SH2B3: variants seen among roughly 807,000 people sequenced by gnomAD.
The protein encoded by SH2B3 is SH2B adaptor protein 3, also known as SH2B adapter protein 3.
A neutral mutation model predicts 51.9 loss-of-function variants in SH2B3; 43 were observed. The ratio of observed to expected loss-of-function variants is 0.83; its 90% confidence interval spans 0.65 to 1.07. The LOEUF (loss-of-function observed/expected upper bound fraction) is 1.07, where lower values mean the gene tolerates loss of function less well. SH2B3 is among the 50% of genes least tolerant of loss of function. The pLI is 0.00. For synonymous variants in SH2B3, 396 were observed against 376.0 expected (o/e 1.05, Z -0.62); for missense variants, 952 against 834.3 (o/e 1.14, Z -1.74).
At position 111,429,470 on chromosome 12, in the gene SH2B3, T is replaced by C. The variant is rs1872286303; in HGVS notation, c.732+10593T>C. Among the ~76,000 whole-genome samples, 1 of 152,102 alleles carries C rather than the reference T, an allele frequency of 6.6e-6. No individual in the cohort carries two copies. The highest frequency in any genetic ancestry group is 2.1e-4 in the South Asian group (1 of 4,812). ...CCTCAGCCTCCCGAGTAGCTGGGAT[T>C]ACAGGCGCCCACCACCACACTCCGC... On this transcript the variant is annotated intron_variant, in intron 2 of 7. Transcript: ENST00000341259. The surrounding 1 kb of genome is among the most constrained non-coding windows in gnomAD (Gnocchi z 4.4).
chr12:111,440,792 C>T (rs189948254), intron 2 of SH2B3, among the ~76,000 whole-genome samples: 1 of 152,346 alleles, frequency 6.6e-6, no homozygotes, highest in East Asian at 1.9e-4. Flanking sequence ...GCCTCTGGTG[C>T]ATGGGAGCAG....
chr12:111,414,437 C>T (rs1870928362), intron 1 of SH2B3, among the ~76,000 whole-genome samples: 1 of 151,880 alleles, frequency 6.6e-6, no homozygotes, highest in Admixed American at 6.6e-5. Context: ...ACAAAAAATA[C>T]AAAAATTAAC....
chr12:111,425,410 G>A (rs1363656119), intron 2 of SH2B3, among the ~76,000 whole-genome samples: 10 of 152,132 alleles, frequency 6.6e-5, no homozygotes, highest in Non-Finnish European at 2.9e-5. Flanking sequence ...GTCAGCAAAG[G>A]CCTCTTGGCA....
rs553292196 is a variant in SH2B3, at chr12:111,419,020, G to T, written c.732+143G>T. 39 of 767,978 alleles carry T rather than the reference G, an allele frequency of 5.1e-5. No individual in the cohort carries two copies. In the African/African-American group the frequency reaches 5.5e-4, roughly 11 times the overall value. 47.6% of individuals were successfully genotyped at this position (767,978 alleles called of 1,614,324 possible). ...GAGGGAACTAGGCCCTCTTAAAAAA[G>T]AACTTTTAGGCCGAGTGCAATGGCT... On this transcript the variant is annotated intron_variant, in intron 2 of 7. Transcript: ENST00000341259.
chr12:111,426,652 G>T (rs113233437), intron 2 of SH2B3, among the ~76,000 whole-genome samples: 1 of 152,162 alleles, frequency 6.6e-6, no homozygotes. Context: ...GTTCAAGTAC[G>T]TAGCATGCCA....
At chr12:111,419,338 A>G (rs777175839) in intron 2 of SH2B3, among the ~76,000 whole-genome samples, 1 of 151,194 alleles carries the variant, frequency 6.6e-6, no homozygotes, top group Non-Finnish European at 1.5e-5. Context: ...TTTTTATTTT[A>G]GAATTTTAGA....
rs866856216 is a variant in SH2B3 at position 111,409,585 on chromosome 12, G to A, written c.-28+3308G>A. On this transcript the variant is annotated intron_variant, in intron 1 of 7. Transcript: ENST00000341259. The surrounding 1 kb of genome is among the most constrained non-coding windows in gnomAD (Gnocchi z 4.0). The stretch of plus-strand genomic sequence containing the variant: ...CCACCCTTCCCAAGGAAACTGAGGC[G>A]GGCAGGCTGCCCAGGGGAAGTGACT... Among the ~76,000 whole-genome samples, 1 of 152,162 alleles carries A rather than the reference G, an allele frequency of 6.6e-6. No homozygotes were observed. The highest frequency in any genetic ancestry group is 1.5e-5 in the Non-Finnish European group (1 of 68,008).
chr12:111,440,570 C>T (rs913088734), intron 2 of SH2B3, among the ~76,000 whole-genome samples: 2 of 152,224 alleles, frequency 1.3e-5, no homozygotes, highest in Non-Finnish European at 1.5e-5. Flanking sequence ...GGTCTGTGAG[C>T]GTCATTTCCA....
At chr12:111,443,724 A>C (rs1182890950) in intron 2 of SH2B3, 2 of 152,230 alleles carry the variant, frequency 1.3e-5, no homozygotes, top group Admixed American at 6.5e-5. Flanking sequence ...GTGGGAGCCA[A>C]GCAGGCTTTA....
intron 2 of SH2B3, among the ~76,000 whole-genome samples, chr12:111,430,797 G>C (rs749511565): frequency 1.3e-5 from 2 of 152,138 alleles, no homozygotes; most frequent in Non-Finnish European, 2.9e-5. Flanking sequence ...GGAGTAGCTG[G>C]CATGATGTGT....
In SH2B3 at chr12:111,409,989, C is replaced by T. The variant is rs1006932211; in HGVS notation, c.-28+3712C>T. 6.6e-6 allele frequency among the ~76,000 whole-genome samples: 1 copy of T among 152,196 alleles called. No homozygotes were observed. Among genetic ancestry groups the T allele is most frequent in the African/African-American group, 2.4e-5 (1 of 41,432 alleles). On this transcript the variant is annotated intron_variant, in intron 1 of 7. Coordinates refer to ENST00000341259, the MANE Select transcript of SH2B3 (RefSeq NM_005475.3). The surrounding 1 kb of genome is among the most constrained non-coding windows in gnomAD (Gnocchi z 4.0). Reference sequence around the variant, plus strand: ...CCTGTCAGGGGTCGGCCAGCAGGGCCGGGCCACAGGCTTCCTTGTGAGCCA... The same window carrying T: ...CCTGTCAGGGGTCGGCCAGCAGGGCTGGGCCACAGGCTTCCTTGTGAGCCA...
In SH2B3 at chr12:111,410,812, C is replaced by T. The variant is rs922118142; in HGVS notation, c.-28+4535C>T. On this transcript the variant is annotated intron_variant, in intron 1 of 7. Transcript: ENST00000341259. This position sits in a 1 kb window ranked among gnomAD's most constrained non-coding sequence, Gnocchi z 4.9. ...TGAATGCTGTGAAAGGGCAGCAGGC[C>T]GCCTGCCAGGCAGTGTGTGTCAGAA... 6.6e-6 allele frequency among the ~76,000 whole-genome samples: 1 copy of T among 152,188 alleles called. No homozygotes were observed. Among genetic ancestry groups the T allele is most frequent in the Non-Finnish European group, 1.5e-5 (1 of 68,034 alleles).
In SH2B3 at chr12:111,447,769, C is replaced by T. The variant is rs772961717; in HGVS notation, c.1350C>T (p.Cys450=). ...HFQRSPIPLE[C]GAACDVRLSS... is the part of the protein sequence containing the mutation. ...AGCGCTCGCCCATCCCACTCGAGTG[C>T]GGCGCCGCCTGTGATGTCCGGCTCT... Residue 450 remains cysteine (C), a synonymous_variant, in exon 7 of 8, where the codon TGC becomes TGT. Coordinates refer to ENST00000341259, the MANE Select transcript of SH2B3 (RefSeq NM_005475.3). 11 of 1,614,000 alleles carry T rather than the reference C, an allele frequency of 6.8e-6. No individual in the cohort carries two copies. The highest frequency in any genetic ancestry group is 2.2e-5 in the East Asian group (1 of 44,888).
At chr12:111,442,774 C>T (rs564450842) in intron 2 of SH2B3, among the ~76,000 whole-genome samples, 21 of 152,376 alleles carry the variant, frequency 1.4e-4, no homozygotes, top group African/African-American at 5.0e-4. Flanking sequence ...TCACCTGTGC[C>T]TCTTCCTGCT....
intron 2 of SH2B3, among the ~76,000 whole-genome samples, chr12:111,420,844 GA>G (rs967299463): frequency 6.6e-6 from 1 of 152,222 alleles, no homozygotes; most frequent in African/African-American, 2.4e-5. Context: ...GAGGATAACT[GA>G]GGGGTCCCGG....
At position 111,409,104 on chromosome 12, in the gene SH2B3, G is replaced by C. The variant is rs934769827; in HGVS notation, c.-28+2827G>C. On this transcript the variant is annotated intron_variant, in intron 1 of 7. Coordinates refer to ENST00000341259, the MANE Select transcript of SH2B3 (RefSeq NM_005475.3). This position sits in a 1 kb window ranked among gnomAD's most constrained non-coding sequence, Gnocchi z 4.0. ...ACCTGGCTTCTCTGATCTGGACCTC[G>C]CCTGCCCGATGGAAGCCAAGAGTTC... is the stretch of plus-strand genomic sequence containing the variant. 1.3e-5 allele frequency among the ~76,000 whole-genome samples: 2 copies of C among 152,112 alleles called. No homozygotes were observed. The highest frequency in any genetic ancestry group is 2.9e-5 in the Non-Finnish European group (2 of 68,030).
chr12:111,433,850 G>A (rs1273147961), intron 2 of SH2B3, among the ~76,000 whole-genome samples: 4 of 152,196 alleles, frequency 2.6e-5, no homozygotes, highest in South Asian at 2.1e-4. Flanking sequence ...CTGGATTCAA[G>A]CAGTCCTCTC....
At position 111,429,002 on chromosome 12, in the gene SH2B3, CGGGGCAGGAGTGCGA is replaced by C. The variant is rs1872234463; in HGVS notation, c.732+10128_732+10142del. Among the ~76,000 whole-genome samples, 2 of 126,168 alleles carry C rather than the reference CGGGGCAGGAGTGCGA, an allele frequency of 1.6e-5. No individual in the cohort carries two copies. The highest frequency in any genetic ancestry group is 5.7e-4 in the South Asian group (2 of 3,488). 82.8% of individuals were successfully genotyped at this position (126,168 alleles called of 152,430 possible). A position where few individuals can be genotyped will look rare whatever the true frequency, so the allele number is the denominator to read the frequency against. On this transcript the variant is annotated intron_variant, in intron 2 of 7. Coordinates refer to ENST00000341259, the MANE Select transcript of SH2B3 (RefSeq NM_005475.3). The surrounding 1 kb of genome is among the most constrained non-coding windows in gnomAD (Gnocchi z 4.4). ...CGCCGGAGGCCTGGCGGTTTCCTCTCGGGGCAGGAGTGCGAGGAGGAGGAGGAGGAGGAGGAGGAG... is the reference window on the plus strand; with the variant it reads ...CGCCGGAGGCCTGGCGGTTTCCTCTCGGAGGAGGAGGAGGAGGAGGAGGAG...
At chr12:111,405,849 G>GC (rs1870195394), upstream of SH2B3, 1 of 151,390 alleles carries the variant, frequency 6.6e-6, no homozygotes, top group Non-Finnish European at 1.5e-5. The surrounding 1 kb of genome is among the most constrained non-coding windows in gnomAD (Gnocchi z 5.4). Flanking sequence ...GCTCCTGGTG[G>GC]CCCCGCCCCT....
Sources: gnomAD v4.1 joint callset for allele counts (sites outside exome capture counted in the v4.1 genomes callset) on GRCh38, gnomAD v4.1.1 for gene constraint, Gnocchi (gnomAD v3.1) non-coding constraint, MANE v1.5 for transcripts, NCBI Gene and HGNC (gene_info 2026-07-23, HGNC 2026-07-21) for gene names.